The following CSNK1A1 variants were observed in gnomAD, a reference collection of about 807,000 sequenced individuals.
The protein encoded by CSNK1A1 is casein kinase 1 alpha 1, also known as casein kinase I isoform alpha.
In CSNK1A1, 7 loss-of-function variants were observed where a neutral mutation model predicts 46.1. That is an observed-to-expected ratio of 0.15 (90% CI 0.09 to 0.29). CSNK1A1 has a LOEUF of 0.29. Ranked by LOEUF, CSNK1A1 falls within the 10% of genes least tolerant of loss-of-function variation. The probability of loss-of-function intolerance (pLI) is 1.00; values close to 1 mark genes in which losing one functional copy is unlikely to be tolerated. For synonymous variants in CSNK1A1, 137 were observed against 141.5 expected (o/e 0.97, Z 0.23); for missense variants, 96 against 417.1 (o/e 0.23, Z 6.71).
chr5:149,537,948 C>A (rs1271883656), intron 2 of CSNK1A1, among the ~76,000 whole-genome samples: 1 of 150,192 alleles, frequency 6.7e-6, no homozygotes, highest in African/African-American at 2.5e-5. Flanking sequence ...ATGCCAGGCT[C>A]ACAGCAGATG....
chr5:149,499,950 GTTTTTTTTCTTTTTTTCTTTT>G (rs1295080651), intron 9 of CSNK1A1, among the ~76,000 whole-genome samples: 6 of 138,152 alleles, frequency 4.3e-5, no homozygotes, highest in Non-Finnish European at 9.3e-5. Context: ...TGGTTGTGGG[GTTTTTTTTCTTTTTTTCTTTT>G]TTTTTTTTTT....
At chr5:149,498,992 T>C in intron 9 of CSNK1A1, 5 of 985,460 alleles carry the variant, frequency 5.1e-6, no homozygotes, top group Non-Finnish European at 6.0e-6. Context: ...CCTGGTAGAA[T>C]AGAGCAGTCA....
intron 9 of CSNK1A1, chr5:149,505,132 A>T: frequency 9.7e-6 from 10 of 1,028,438 alleles, no homozygotes; most frequent in Non-Finnish European, 9.3e-6. Flanking sequence ...CCCAACACCA[A>T]ATTTTTGGAA....
intron 2 of CSNK1A1, among the ~76,000 whole-genome samples, chr5:149,533,846 C>T (rs147503899): frequency 9.9e-4 from 151 of 152,244 alleles, no homozygotes; most frequent in African/African-American, 3.5e-3. Flanking sequence ...TACTTATAGT[C>T]TTCATAACAC....
In CSNK1A1 at chr5:149,551,015, G is replaced by A. The variant is rs1762641955; in HGVS notation, c.-51C>T. The A allele has an allele frequency of 1.4e-5, 23 of 1,609,118 alleles. No homozygotes were observed. Among genetic ancestry groups the A allele is most frequent in the African/African-American group, 5.3e-5 (4 of 74,792 alleles). The stretch of plus-strand genomic sequence containing the variant: ...GGCCAAGCCCCGACACCTCTGGGAA[G>A]AGGACGGAGGCCTCGGGGCTCCTAC... On this transcript the variant is annotated 5_prime_UTR_variant, in exon 1 of 10. Transcript: ENST00000377843.
chr5:149,516,471 ATT>A (rs200508678), intron 4 of CSNK1A1, among the ~76,000 whole-genome samples: 4 of 145,784 alleles, frequency 2.7e-5, no homozygotes, highest in Admixed American at 6.9e-5. Flanking sequence ...TACTTGCAGC[ATT>A]TTTTTTTTTT....
At chr5:149,504,302 C>T (rs1760961938) in intron 9 of CSNK1A1, 15 of 985,198 alleles carry the variant, frequency 1.5e-5, no homozygotes, top group Non-Finnish European at 1.8e-5. Context: ...ATGAGGATGA[C>T]ATCAGTTAAT....
intron 9 of CSNK1A1, chr5:149,501,528 G>C (rs1370603500): frequency 2.0e-6 from 2 of 985,168 alleles, no homozygotes; most frequent in East Asian, 1.1e-4. Flanking sequence ...GGACATGGTA[G>C]GTCAATATGA....
chr5:149,546,068 T>C (rs1420151930), intron 2 of CSNK1A1, among the ~76,000 whole-genome samples: 2 of 151,502 alleles, frequency 1.3e-5, no homozygotes, highest in Non-Finnish European at 2.9e-5. Context: ...TTTTTTTTTT[T>C]TGTATTTTAG....
intron 7 of CSNK1A1, among the ~76,000 whole-genome samples, chr5:149,508,996 T>C (rs1357177845): frequency 6.6e-6 from 1 of 152,198 alleles, no homozygotes; most frequent in African/African-American, 2.4e-5. Context: ...GGTGCAATCT[T>C]GGCTCACTGC....
chr5:149,537,354 C>T (rs755715539), intron 2 of CSNK1A1, among the ~76,000 whole-genome samples: 6 of 152,078 alleles, frequency 3.9e-5, no homozygotes, highest in Middle Eastern at 3.2e-3. Flanking sequence ...CCAGCCTGAG[C>T]GACAGAGTGA....
chr5:149,546,093 C>G (rs1340403882), intron 2 of CSNK1A1, among the ~76,000 whole-genome samples: 1 of 150,238 alleles, frequency 6.7e-6, no homozygotes, highest in Non-Finnish European at 1.5e-5. Flanking sequence ...GACAGGGTTT[C>G]ACCTGTCTCT....
intron 2 of CSNK1A1, among the ~76,000 whole-genome samples, chr5:149,544,766 G>T (rs866315862): frequency 1.9e-3 from 67 of 35,410 alleles, no homozygotes; most frequent in East Asian, 5.0e-3. Context: ...TATATATATA[G>T]TTATTGACCA....
At chr5:149,499,307 GGGAGGGGGA>G in intron 9 of CSNK1A1, 7 of 859,418 alleles carry the variant, frequency 8.1e-6, no homozygotes, top group Non-Finnish European at 9.7e-6. Flanking sequence ...AAAAAAAAAG[GGGAGGGGGA>G]GGGGGGAGTT....
chr5:149,540,146 C>T (rs1018743660), intron 2 of CSNK1A1, among the ~76,000 whole-genome samples: 2 of 152,036 alleles, frequency 1.3e-5, no homozygotes, highest in African/African-American at 4.8e-5. Context: ...ATTAAAAAAC[C>T]CTTAAGACCT....
chr5:149,547,291 C>T (rs1358392768), intron 2 of CSNK1A1, among the ~76,000 whole-genome samples: 2 of 152,204 alleles, frequency 1.3e-5, no homozygotes, highest in African/African-American at 4.8e-5. Flanking sequence ...TTATAATAGG[C>T]ACCTATTACT....
intron 2 of CSNK1A1, among the ~76,000 whole-genome samples, chr5:149,548,337 C>CAGGTGGATCACCTGAGGTCAGG (rs1285476418): frequency 3.9e-5 from 6 of 152,084 alleles, no homozygotes; most frequent in Non-Finnish European, 7.4e-5. Context: ...GAGGCTGAGG[C>CAGGTGGATCACCTGAGGTCAGG]AGGTGGATCA....
In CSNK1A1 at chr5:149,493,038, T is replaced by G. The variant is rs896655358; in HGVS notation, c.*3815A>C. The G allele has an allele frequency of 1.3e-5, 2 of 152,226 alleles. No individual in the cohort carries two copies. The highest frequency in any genetic ancestry group is 2.9e-5 in the Non-Finnish European group (2 of 68,046). The allele number at this position is 152,226 out of a possible 1,614,324, so 9.4% of individuals were successfully genotyped here. ...ACACAGATTTAGCAAGTATAATCCTTCAAGTGGCTCCTGTGCCCTTTTGAC... is the reference window on the plus strand; with the variant it reads ...ACACAGATTTAGCAAGTATAATCCTGCAAGTGGCTCCTGTGCCCTTTTGAC... On this transcript the variant is annotated 3_prime_UTR_variant, in exon 10 of 10. Transcript: ENST00000377843.
chr5:149,521,900 G>A (rs1227491083), intron 3 of CSNK1A1, among the ~76,000 whole-genome samples: 3 of 151,852 alleles, frequency 2.0e-5, no homozygotes, highest in Non-Finnish European at 2.9e-5. Context: ...GAGCCACTGC[G>A]CCTGGCCCTT....
Sources: allele counts gnomAD v4.1 joint callset (sites outside exome capture counted in the v4.1 genomes callset), GRCh38; gene constraint gnomAD v4.1.1; transcripts MANE v1.5; gene names NCBI Gene and HGNC (gene_info 2026-07-23, HGNC 2026-07-21).